PLCB1: variants seen among roughly 807,000 people sequenced by gnomAD.
PLCB1 encodes the protein 1-phosphatidylinositol 4,5-bisphosphate phosphodiesterase beta-1.
Under a neutral mutation model 161.8 loss-of-function variants are expected in PLCB1, and 46 were observed. That is an observed-to-expected ratio of 0.28 (90% CI 0.22 to 0.36). PLCB1 has a LOEUF of 0.36. Ranked by LOEUF, PLCB1 falls within the 10% of genes least tolerant of loss-of-function variation. PLCB1 has a pLI of 1.00. For missense variants in PLCB1, 1,016 were observed against 1,472.5 expected, an observed-to-expected ratio of 0.69 and a Z score of 5.07; for synonymous variants, 517 against 503.7, an observed-to-expected ratio of 1.03 and a Z score of -0.35.
intron 12 of PLCB1, among the ~76,000 whole-genome samples, chr20:8,714,414 C>G (rs1448344403): frequency 6.6e-6 from 1 of 152,136 alleles, no homozygotes; most frequent in Non-Finnish European, 1.5e-5. Context: ...GCAGGCTGAC[C>G]TGGTAGAACC....
intron 3 of PLCB1, among the ~76,000 whole-genome samples, chr20:8,612,735 C>T (rs1481951203): frequency 6.6e-6 from 1 of 152,158 alleles, no homozygotes; most frequent in African/African-American, 2.4e-5. Flanking sequence ...CTTCATTACA[C>T]AAAAATGGAA....
intron 2 of PLCB1, among the ~76,000 whole-genome samples, chr20:8,259,372 T>A (rs2123238734): frequency 6.6e-6 from 1 of 152,230 alleles, no homozygotes; most frequent in East Asian, 1.9e-4. Context: ...ATTAGAGCAC[T>A]TTGGGAGGCT....
At chr20:8,614,411 T>C (rs879540567) in intron 3 of PLCB1, among the ~76,000 whole-genome samples, 1 of 151,976 alleles carries the variant, frequency 6.6e-6, no homozygotes, top group Non-Finnish European at 1.5e-5. Context: ...ATAAAACCTG[T>C]CCAATGATGA....
At chr20:8,541,604 G>GAAGAAAGAAAGAAAGAAA (rs1568500428) in intron 3 of PLCB1, among the ~76,000 whole-genome samples, 4 of 149,530 alleles carry the variant, frequency 2.7e-5, no homozygotes, top group African/African-American at 9.9e-5. Context: ...AAGAAAGAAA[G>GAAGAAAGAAAGAAAGAAA]AAAGGAAGGA....
At chr20:8,464,270 C>G (rs147619829) in intron 3 of PLCB1, among the ~76,000 whole-genome samples, 234 of 152,228 alleles carry the variant, frequency 1.5e-3, no homozygotes, top group African/African-American at 5.4e-3. Context: ...ATATGTCTTT[C>G]TAAGTTTCCT....
At chr20:8,464,574 A>C (rs558284842) in intron 3 of PLCB1, among the ~76,000 whole-genome samples, 88 of 152,316 alleles carry the variant, frequency 5.8e-4, no homozygotes, top group African/African-American at 1.8e-3. Context: ...TGCTGCACCC[A>C]AGCAGGCATA....
At chr20:8,718,418 G>T (rs970821119) in intron 14 of PLCB1, among the ~76,000 whole-genome samples, 18 of 152,276 alleles carry the variant, frequency 1.2e-4, no homozygotes, top group Admixed American at 3.9e-4. Flanking sequence ...TGTCAGCCGG[G>T]CTGTGTTCCT....
intron 2 of PLCB1, among the ~76,000 whole-genome samples, chr20:8,306,887 C>T (rs1452892908): frequency 6.6e-6 from 1 of 152,196 alleles, no homozygotes; most frequent in Non-Finnish European, 1.5e-5. Flanking sequence ...ACCAAATCCT[C>T]AAGAATTAAG....
chr20:8,781,410 AC>A (rs1983223265), intron 27 of PLCB1, among the ~76,000 whole-genome samples: 1 of 21,530 alleles, frequency 4.6e-5, no homozygotes, highest in Non-Finnish European at 1.5e-4. Context: ...ACACACACAC[AC>A]ACACAAACAC....
chr20:8,240,491 T>G (rs770354860), intron 2 of PLCB1, among the ~76,000 whole-genome samples: 2 of 152,172 alleles, frequency 1.3e-5, no homozygotes, highest in Middle Eastern at 3.4e-3. Context: ...CGCCATCATT[T>G]TTTTCACTTT....
At chr20:8,836,168 C>G (rs1401724863) in intron 31 of PLCB1, among the ~76,000 whole-genome samples, 3 of 152,174 alleles carry the variant, frequency 2.0e-5, no homozygotes, top group Non-Finnish European at 4.4e-5. Flanking sequence ...AGGCCCAAAA[C>G]TGGCATATTG....
At chr20:8,791,957 G>A (rs1307526134) in intron 31 of PLCB1, 1 of 152,186 alleles carries the variant, frequency 6.6e-6, no homozygotes, top group African/African-American at 2.4e-5. Flanking sequence ...GGCTTCAACA[G>A]TTATAGTATT....
At chr20:8,524,599 A>G (rs1013042030) in intron 3 of PLCB1, among the ~76,000 whole-genome samples, 1 of 152,152 alleles carries the variant, frequency 6.6e-6, no homozygotes, top group Non-Finnish European at 1.5e-5. Flanking sequence ...TTAAATATTT[A>G]TAAGTCTAGT....
intron 31 of PLCB1, among the ~76,000 whole-genome samples, chr20:8,849,810 C>T (rs6039301): frequency 0.31 from 47,392 of 151,956 alleles, 7,520 homozygotes; most frequent in Middle Eastern, 0.41. Flanking sequence ...GTCAAGAGAT[C>T]GAGACCATCC....
Position 8,312,439 on chromosome 20 carries a change from TC to T in PLCB1, c.178-58942del, listed in dbSNP as rs1984449699. On this transcript the variant is annotated intron_variant, in intron 2 of 31. Coordinates refer to ENST00000338037, the MANE Select transcript of PLCB1 (RefSeq NM_015192.4). ...GAATCTCAACAGACCTTCAAAGAGA[TC>T]AAGGCTTGCATCTAAGACAGGATCA... 3.9e-5 allele frequency among the ~76,000 whole-genome samples: 6 copies of T among 152,220 alleles called. No individual in the cohort carries two copies. The South Asian group carries it at 1.0e-3, about 26-fold the overall frequency.
intron 4 of PLCB1, among the ~76,000 whole-genome samples, chr20:8,635,207 C>T (rs1390233362): frequency 6.6e-6 from 1 of 151,900 alleles, no homozygotes; most frequent in African/African-American, 2.4e-5. Flanking sequence ...TTTGTGTTCC[C>T]AGGATCTAGC....
intron 3 of PLCB1, among the ~76,000 whole-genome samples, chr20:8,556,071 C>T (rs746560471): frequency 3.3e-5 from 5 of 151,806 alleles, no homozygotes; most frequent in Non-Finnish European, 7.4e-5. Flanking sequence ...AAGATTTATC[C>T]AGTAATAATC....
intron 16 of PLCB1, among the ~76,000 whole-genome samples, chr20:8,726,315 G>A (rs547788953): frequency 1.3e-5 from 2 of 152,184 alleles, no homozygotes; most frequent in South Asian, 4.2e-4. Flanking sequence ...CTAATTGGAG[G>A]CTTGAATTTC....
At chr20:8,381,010 T>C (rs553880671) in intron 3 of PLCB1, among the ~76,000 whole-genome samples, 1 of 152,288 alleles carries the variant, frequency 6.6e-6, no homozygotes, top group African/African-American at 2.4e-5. Flanking sequence ...AGGCCATCCT[T>C]GTCTTGTATT....
Sources: gnomAD v4.1 joint callset for allele counts (sites outside exome capture counted in the v4.1 genomes callset) on GRCh38, gnomAD v4.1.1 for gene constraint, MANE v1.5 for transcripts, NCBI Gene and HGNC (gene_info 2026-07-23, HGNC 2026-07-21) for gene names.